Variants in ALG1L2 observed in about 807,000 individuals in gnomAD.
ALG1L2 encodes putative glycosyltransferase ALG1L2.
ALG1L2 carries 32 observed loss-of-function variants against 29.0 expected under a neutral mutation model. That is an observed-to-expected ratio of 1.10 (90% CI 0.83 to 1.48). The LOEUF (loss-of-function observed/expected upper bound fraction) is 1.48, where lower values mean the gene tolerates loss of function less well. Among genes scored for constraint, ALG1L2 ranks in the 40% most tolerant of loss-of-function variants. ALG1L2 has a pLI of 0.00. For missense variants in ALG1L2, 318 were observed against 274.1 expected (o/e 1.16, Z -1.13); for synonymous variants, 110 against 109.5 (o/e 1.00, Z -0.03).
chr3:130,084,299 C>CAACA (rs1553718984), intron 1 of ALG1L2, among the ~76,000 whole-genome samples: 23 of 145,826 alleles, frequency 1.6e-4, no homozygotes, highest in South Asian at 4.4e-4. Flanking sequence ...TTCCCCCCCT[C>CAACA]AAAAAAAATT....
At chr3:130,096,222 G>C in intron 6 of ALG1L2, 59 bp downstream of exon 6, 2 of 1,580,052 alleles carry the variant, frequency 1.3e-6, no homozygotes, top group Non-Finnish European at 1.7e-6. Context: ...CGCTGAGGGG[G>C]AAGCAGTGCA....
At position 130,081,853 on chromosome 3, in the gene ALG1L2, A is replaced by C; in HGVS notation, c.-164A>C. On this transcript the variant is annotated 5_prime_UTR_variant, in exon 1 of 8. Coordinates refer to ENST00000425059, the MANE Select transcript of ALG1L2 (RefSeq NM_001136152.1). The stretch of plus-strand genomic sequence containing the variant: ...CAGGTGGGAGGTGACACCAGGAGGT[A>C]ACCAGGTGGAAATCACCCTCAAGTA... The C allele has an allele frequency of 9.9e-7, 1 of 1,005,270 alleles. No homozygotes were observed. Among genetic ancestry groups the C allele is most frequent in the Non-Finnish European group, 1.5e-6 (1 of 664,170 alleles). 62.3% of individuals were successfully genotyped at this position (1,005,270 alleles called of 1,614,324 possible).
chr3:130,088,270 G>C (rs2108117289), intron 1 of ALG1L2, among the ~76,000 whole-genome samples: 1 of 152,422 alleles, frequency 6.6e-6, no homozygotes, highest in East Asian at 1.9e-4. Context: ...AAGTGATATG[G>C]TGTGGCTGTG....
At chr3:130,092,308 G>A (rs1421645516) in intron 3 of ALG1L2, 86 bp downstream of exon 3, 3 of 1,588,742 alleles carry the variant, frequency 1.9e-6, no homozygotes, top group Admixed American at 3.6e-5. Flanking sequence ...AGTCCTGCAT[G>A]CCCCAACCCC....
intron 1 of ALG1L2, among the ~76,000 whole-genome samples, chr3:130,085,395 G>C (rs77688785): frequency 1.3e-3 from 94 of 71,728 alleles, no homozygotes; most frequent in Middle Eastern, 9.8e-3. Flanking sequence ...TGTGCCTGGC[G>C]TATTTTATTT....
At chr3:130,086,762 T>A (rs76592821) in intron 1 of ALG1L2, among the ~76,000 whole-genome samples, 1 of 90,588 alleles carries the variant, frequency 1.1e-5, no homozygotes, top group Non-Finnish European at 2.5e-5. Context: ...TGAAGGATTG[T>A]GAAACAAAAT....
At chr3:130,087,598 T>C (rs992440819) in intron 1 of ALG1L2, among the ~76,000 whole-genome samples, 1 of 139,020 alleles carries the variant, frequency 7.2e-6, no homozygotes, top group African/African-American at 2.5e-5. Flanking sequence ...TACACAGGAA[T>C]ATTTAGGGGT....
intron 7 of ALG1L2, 98 bp from the exon 8 acceptor site, chr3:130,098,109 GTGAGGGAGCTAGGGAC>G: frequency 7.0e-7 from 1 of 1,418,676 alleles, no homozygotes; most frequent in Non-Finnish European, 9.6e-7. Flanking sequence ...TCAAGTCCAA[GTGAGGGAGCTAGGGAC>G]TTGGGAGGGG....
At chr3:130,096,824 T>C (rs1935147292) in intron 6 of ALG1L2, among the ~76,000 whole-genome samples, 1 of 152,210 alleles carries the variant, frequency 6.6e-6, no homozygotes, top group South Asian at 2.1e-4. Flanking sequence ...AAAGTCATCT[T>C]TTATGTGCTG....
intron 7 of ALG1L2, 148 bp downstream of exon 7, chr3:130,097,398 T>C: frequency 3.0e-6 from 4 of 1,314,536 alleles, no homozygotes; most frequent in East Asian, 2.5e-5. Flanking sequence ...TCACAGAGGC[T>C]GGCCTACTCT....
intron 7 of ALG1L2, 23 bp from the exon 8 acceptor site, chr3:130,098,200 A>G: frequency 6.3e-7 from 1 of 1,596,348 alleles, no homozygotes; most frequent in Non-Finnish European, 8.5e-7. Flanking sequence ...GGGACAGGCA[A>G]TGAGGTAAGC....
At chr3:130,092,264 C>T (rs778382666) in intron 3 of ALG1L2, 42 bp downstream of exon 3, 3 of 1,594,184 alleles carry the variant, frequency 1.9e-6, no homozygotes, top group Non-Finnish European at 2.6e-6. Flanking sequence ...GTGTGAAGGG[C>T]ACCTGGCCAA....
At chr3:130,085,185 C>T (rs1440037387) in intron 1 of ALG1L2, among the ~76,000 whole-genome samples, 1 of 138,250 alleles carries the variant, frequency 7.2e-6, no homozygotes, top group Admixed American at 7.5e-5. Context: ...GTCTTGATCT[C>T]CTGACCTCAA....
intron 1 of ALG1L2, among the ~76,000 whole-genome samples, chr3:130,084,756 AG>A (rs1490785473): frequency 8.0e-6 from 1 of 125,074 alleles, no homozygotes; most frequent in Non-Finnish European, 1.8e-5. Context: ...TGAGGATGCT[AG>A]GGGAAGGATC....
intron 1 of ALG1L2, among the ~76,000 whole-genome samples, chr3:130,087,079 C>G: frequency 6.7e-6 from 1 of 148,732 alleles, no homozygotes; most frequent in East Asian, 2.0e-4. Flanking sequence ...ATAAGATGAC[C>G]GGTTAACCAG....
intron 1 of ALG1L2, among the ~76,000 whole-genome samples, chr3:130,083,636 T>C (rs1934831454): frequency 7.6e-6 from 1 of 132,398 alleles, no homozygotes; most frequent in African/African-American, 2.5e-5. Context: ...GTATAATCCA[T>C]GCTAGTAATT....
At chr3:130,094,336 T>C in intron 4 of ALG1L2, 67 bp from the exon 5 acceptor site, 1 of 1,552,170 alleles carries the variant, frequency 6.4e-7, no homozygotes, top group Non-Finnish European at 8.8e-7. Context: ...GGGGAGTGTC[T>C]TGGGCCTGGG....
chr3:130,089,255 C>A (rs1197337121), intron 1 of ALG1L2, among the ~76,000 whole-genome samples: 1 of 152,242 alleles, frequency 6.6e-6, no homozygotes, highest in Non-Finnish European at 1.5e-5. Flanking sequence ...GCACGCTTGA[C>A]CTGGGTTTTA....
At chr3:130,097,612 G>T (rs955487139) in intron 7 of ALG1L2, among the ~76,000 whole-genome samples, 1 of 152,196 alleles carries the variant, frequency 6.6e-6, no homozygotes, top group East Asian at 1.9e-4. Context: ...TTCTGCAAAG[G>T]TTACTTGTTT....
Sources: allele counts gnomAD v4.1 joint callset (sites outside exome capture counted in the v4.1 genomes callset), GRCh38; gene constraint gnomAD v4.1.1; transcripts MANE v1.5; gene names NCBI Gene and HGNC (gene_info 2026-07-23, HGNC 2026-07-21).